Variants in PCDHGA6 observed in about 807,000 individuals in gnomAD.
PCDHGA6 encodes the protein protocadherin gamma-A6.
In PCDHGA6, 41 loss-of-function variants were observed where a neutral mutation model predicts 60.6. That is an observed-to-expected ratio of 0.68 (90% CI 0.53 to 0.88). The LOEUF (loss-of-function observed/expected upper bound fraction) is 0.88, where lower values mean the gene tolerates loss of function less well. PCDHGA6 is among the 40% of genes least tolerant of loss of function. The pLI is 0.00. For missense variants in PCDHGA6, 1,312 were observed against 1,203.0 expected (o/e 1.09, Z -1.34); for synonymous variants, 594 against 524.4 (o/e 1.13, Z -1.81).
At chr5:141,415,397 G>T (rs1168654728) in intron 1 of PCDHGA6, 1 of 1,614,124 alleles carries the variant, frequency 6.2e-7, no homozygotes, top group African/African-American at 1.3e-5. Context: ...GGTGTGTCCG[G>T]CTCGCACTTT....
intron 1 of PCDHGA6, among the ~76,000 whole-genome samples, chr5:141,459,249 A>G (rs901058693): frequency 6.6e-6 from 1 of 152,218 alleles, no homozygotes; most frequent in Non-Finnish European, 1.5e-5. Flanking sequence ...TCCTGTCACT[A>G]TAAATTAGTG....
At chr5:141,428,095 A>G (rs1361784967) in intron 1 of PCDHGA6, 1 of 1,608,848 alleles carries the variant, frequency 6.2e-7, no homozygotes, top group East Asian at 2.2e-5. Flanking sequence ...TGGCTGTCCT[A>G]CCACGTGCTG....
intron 1 of PCDHGA6, among the ~76,000 whole-genome samples, chr5:141,462,030 T>C (rs1283795051): frequency 3.9e-5 from 6 of 152,122 alleles, no homozygotes; most frequent in Non-Finnish European, 8.8e-5. Flanking sequence ...TTCATGTTGG[T>C]CAGGCGGGTC....
chr5:141,437,388 C>T (rs1434464979), intron 1 of PCDHGA6, among the ~76,000 whole-genome samples: 1 of 152,186 alleles, frequency 6.6e-6, no homozygotes, highest in Non-Finnish European at 1.5e-5. Context: ...AGACATTCAT[C>T]CACTGCTTTC....
At chr5:141,441,615 G>A in intron 1 of PCDHGA6, 1 of 219,248 alleles carries the variant, frequency 4.6e-6, no homozygotes, top group Non-Finnish European at 9.2e-6. Context: ...TTCCATCGTG[G>A]CCAGTGACCT....
Position 141,382,943 on chromosome 5 carries a change from T to C in PCDHGA6, c.2424+6436T>C, listed in dbSNP as rs766692143. On this transcript the variant is annotated intron_variant, in intron 1 of 3. Coordinates refer to ENST00000517434, the MANE Select transcript of PCDHGA6 (RefSeq NM_018919.3). The stretch of plus-strand genomic sequence containing the variant: ...GGCGGGGACTACAGAGGATTCTTCC[T>C]GCTCTCCATCCTCCTGGGGACCCCC... 2.6e-5 allele frequency: 42 copies of C among 1,596,066 alleles called. No individual in the cohort carries two copies. Among genetic ancestry groups the C allele is most frequent in the Non-Finnish European group, 3.5e-5 (41 of 1,169,148 alleles).
At chr5:141,409,135 T>G (rs748247175) in intron 1 of PCDHGA6, 1 of 1,614,026 alleles carries the variant, frequency 6.2e-7, no homozygotes, top group Non-Finnish European at 8.5e-7. Context: ...ATTTTGAAGA[T>G]GTAGAAAGGT....
At position 141,415,520 on chromosome 5, in the gene PCDHGA6, C is replaced by A. The variant is rs200535016; in HGVS notation, c.2424+39013C>A. The A allele has an allele frequency of 1.8e-4, 288 of 1,614,072 alleles. 3 individuals carry two copies. The highest frequency in any genetic ancestry group is 6.7e-5 in the Non-Finnish European group (79 of 1,180,044). On this transcript the variant is annotated intron_variant, in intron 1 of 3. Coordinates refer to ENST00000517434, the MANE Select transcript of PCDHGA6 (RefSeq NM_018919.3). Reference sequence around the variant, plus strand: ...TTCCCCCAGCCCAATTATGCGGACACGCTCATCAGCCAGGAGAGCTGTGAG... The same window carrying A: ...TTCCCCCAGCCCAATTATGCGGACAAGCTCATCAGCCAGGAGAGCTGTGAG...
chr5:141,413,050 G>C (rs868475186), intron 1 of PCDHGA6: 5 of 939,920 alleles, frequency 5.3e-6, no homozygotes, highest in Middle Eastern at 3.3e-4. Flanking sequence ...CTGCAGGGAA[G>C]CTCACTCCAG....
intron 1 of PCDHGA6, chr5:141,423,202 G>T: frequency 6.2e-7 from 1 of 1,613,618 alleles, no homozygotes; most frequent in Non-Finnish European, 8.5e-7. Flanking sequence ...CTCGGCCACC[G>T]TCACGCTCAC....
intron 1 of PCDHGA6, chr5:141,410,849 CTTTTTTTT>C (rs759346998): frequency 2.0e-4 from 27 of 138,178 alleles, no homozygotes; most frequent in Middle Eastern, 4.3e-3. Context: ...TTGTCTTTGT[CTTTTTTTT>C]TTTTTTTTTT....
intron 1 of PCDHGA6, chr5:141,419,568 A>T: frequency 1.2e-6 from 2 of 1,611,742 alleles, no homozygotes; most frequent in African/African-American, 2.7e-5. Flanking sequence ...CTGGGTCCCG[A>T]CGGCTCCGCG....
intron 1 of PCDHGA6, chr5:141,430,848 A>G (rs780445178): frequency 1.3e-6 from 2 of 1,581,028 alleles, no homozygotes; most frequent in Admixed American, 1.8e-5. Flanking sequence ...GGATGCACCC[A>G]GATACGCTAT....
chr5:141,464,184 G>T (rs1348739162), intron 1 of PCDHGA6, among the ~76,000 whole-genome samples: 1 of 150,316 alleles, frequency 6.7e-6, no homozygotes, highest in Non-Finnish European at 1.5e-5. Flanking sequence ...AGAATTGCTT[G>T]ATTTCAGGAG....
In PCDHGA6 at chr5:141,489,993, C is replaced by A; in HGVS notation, c.2425-4814C>A. 6.2e-7 allele frequency: 1 copy of A among 1,614,186 alleles called. No individual in the cohort carries two copies. The highest frequency in any genetic ancestry group is 1.1e-5 in the South Asian group (1 of 91,088). On this transcript the variant is annotated intron_variant, in intron 1 of 3. Transcript: ENST00000517434. The surrounding 1 kb of genome is among the most constrained non-coding windows in gnomAD (Gnocchi z 4.5). ...AATCCTCAGTTCTACGTGTGGGAATCCCAGAGAATGCACCCATTGGTACTC... is the reference window on the plus strand; with the variant it reads ...AATCCTCAGTTCTACGTGTGGGAATACCAGAGAATGCACCCATTGGTACTC...
At chr5:141,393,639 A>G in intron 1 of PCDHGA6, 1 of 1,613,964 alleles carries the variant, frequency 6.2e-7, no homozygotes, top group Non-Finnish European at 8.5e-7. Context: ...AATCAACGGA[A>G]AAGTGGCATA....
intron 1 of PCDHGA6, chr5:141,423,357 C>T: frequency 6.2e-7 from 1 of 1,614,214 alleles, no homozygotes; most frequent in Non-Finnish European, 8.5e-7. Context: ...TCTTTGTCAT[C>T]GTGCTGCTGG....
intron 1 of PCDHGA6, chr5:141,422,992 G>A: frequency 6.2e-7 from 1 of 1,614,238 alleles, no homozygotes; most frequent in Non-Finnish European, 8.5e-7. Flanking sequence ...TGGCTACCTG[G>A]TGACCAAGGT....
chr5:141,376,576 T>G, intron 1 of PCDHGA6, 69 bp downstream of exon 1: 1 of 1,596,960 alleles, frequency 6.3e-7, no homozygotes, highest in Non-Finnish European at 8.5e-7. Context: ...TCAGACAGGC[T>G]CATCAGCTAG....
Sources: gnomAD v4.1 joint callset for allele counts (sites outside exome capture counted in the v4.1 genomes callset) on GRCh38, gnomAD v4.1.1 for gene constraint, Gnocchi (gnomAD v3.1) non-coding constraint, MANE v1.5 for transcripts, NCBI Gene and HGNC (gene_info 2026-07-23, HGNC 2026-07-21) for gene names.